DSCAM: variants seen among roughly 807,000 people sequenced by gnomAD.
DSCAM encodes cell adhesion molecule DSCAM.
Under a neutral mutation model 217.7 loss-of-function variants are expected in DSCAM, and 47 were observed. The observed-to-expected ratio is 0.22, with a 90% CI of 0.17 to 0.28. The LOEUF (loss-of-function observed/expected upper bound fraction) is 0.28. DSCAM is among the 10% of genes least tolerant of loss of function. DSCAM has a pLI of 1.00. For missense variants in DSCAM, 2,080 were observed against 2,618.3 expected (o/e 0.79, Z 4.49); for synonymous variants, 1,056 against 1,015.3 (o/e 1.04, Z -0.76).
At chr21:40,675,769 T>C (rs2090330776) in intron 3 of DSCAM, among the ~76,000 whole-genome samples, 1 of 152,240 alleles carries the variant, frequency 6.6e-6, no homozygotes, top group African/African-American at 2.4e-5. Flanking sequence ...GTTCTGATCC[T>C]TGTCACCTTG....
chr21:40,283,174 A>G (rs1161839324), intron 10 of DSCAM, among the ~76,000 whole-genome samples: 2 of 152,240 alleles, frequency 1.3e-5, no homozygotes, highest in Middle Eastern at 3.2e-3. Context: ...CATCTACTTT[A>G]GATTCATCTT....
At chr21:40,197,915 C>T (rs1483827029) in intron 11 of DSCAM, among the ~76,000 whole-genome samples, 2 of 152,320 alleles carry the variant, frequency 1.3e-5, no homozygotes, top group Admixed American at 6.5e-5. Flanking sequence ...AGTGCAAAGC[C>T]TCTTTCCCTT....
intron 20 of DSCAM, among the ~76,000 whole-genome samples, chr21:40,106,432 CT>C (rs964162972): frequency 6.6e-6 from 1 of 152,038 alleles, no homozygotes; most frequent in Non-Finnish European, 1.5e-5. Flanking sequence ...CTGAAGTTTT[CT>C]TTTTTGTCAT....
intron 3 of DSCAM, among the ~76,000 whole-genome samples, chr21:40,595,502 C>A (rs2077014859): frequency 6.6e-6 from 1 of 151,832 alleles, no homozygotes; most frequent in African/African-American, 2.4e-5. Context: ...AGAGCCATCT[C>A]TATTCGAAGG....
intron 19 of DSCAM, among the ~76,000 whole-genome samples, chr21:40,127,286 G>A (rs1427273390): frequency 6.6e-6 from 1 of 152,160 alleles, no homozygotes; most frequent in East Asian, 1.9e-4. Flanking sequence ...ACTCAGTGGT[G>A]AATGACAAAC....
intron 3 of DSCAM, among the ~76,000 whole-genome samples, chr21:40,581,949 A>G (rs2076909231): frequency 6.6e-6 from 1 of 152,238 alleles, no homozygotes; most frequent in South Asian, 2.1e-4. Flanking sequence ...CATAAAATGT[A>G]ATTTATTTGA....
rs532523042 is a variant in DSCAM at position 40,490,160 on chromosome 21, T to C, written c.509-120915A>G. Among the ~76,000 whole-genome samples, 4 of 152,228 alleles carry C rather than the reference T, an allele frequency of 2.6e-5. No individual in the cohort carries two copies. The South Asian group carries it at 8.3e-4, about 32-fold the overall frequency. Reference sequence around the variant, plus strand: ...ATTTCCTGAGACTTATTCATTATCATGAGAACAGCCCAGGAAAGACCCACC... The same window carrying C: ...ATTTCCTGAGACTTATTCATTATCACGAGAACAGCCCAGGAAAGACCCACC... On this transcript the variant is annotated intron_variant, in intron 3 of 32. Transcript: ENST00000400454.
intron 27 of DSCAM, among the ~76,000 whole-genome samples, chr21:40,074,285 G>A (rs980971225): frequency 4.6e-5 from 7 of 152,148 alleles, no homozygotes; most frequent in Non-Finnish European, 1.0e-4. Context: ...TGTAATACAC[G>A]TTACCGAAAA....
chr21:40,323,110 C>A (rs988133854), intron 8 of DSCAM, among the ~76,000 whole-genome samples: 4 of 152,150 alleles, frequency 2.6e-5, no homozygotes, highest in African/African-American at 9.7e-5. Context: ...CTCAGGACAA[C>A]CCTGAAGGAC....
At chr21:40,445,922 T>C (rs1016700024) in intron 3 of DSCAM, among the ~76,000 whole-genome samples, 1 of 152,216 alleles carries the variant, frequency 6.6e-6, no homozygotes, top group Admixed American at 6.5e-5. Flanking sequence ...GGATCTTCAA[T>C]TAGTCTAGGA....
At chr21:40,070,727 G>A (rs972281956) in intron 27 of DSCAM, among the ~76,000 whole-genome samples, 1 of 152,110 alleles carries the variant, frequency 6.6e-6, no homozygotes, top group African/African-American at 2.4e-5. Context: ...TCCAAATGAG[G>A]GGAGCTTTGG....
chr21:40,044,568 T>G (rs2146482328), intron 30 of DSCAM, among the ~76,000 whole-genome samples: 1 of 152,268 alleles, frequency 6.6e-6, no homozygotes, highest in South Asian at 2.1e-4. Flanking sequence ...ATGACCCTTC[T>G]AACATTAAAA....
chr21:40,786,283 A>AGG (rs1569035928), intron 1 of DSCAM, among the ~76,000 whole-genome samples: 41 of 151,850 alleles, frequency 2.7e-4, no homozygotes, highest in Admixed American at 1.4e-3. Context: ...AGAAAGAAAA[A>AGG]AAGGAAGGAA....
At chr21:40,029,075 A>G (rs2088464335) in intron 32 of DSCAM, among the ~76,000 whole-genome samples, 2 of 152,148 alleles carry the variant, frequency 1.3e-5, no homozygotes, top group Non-Finnish European at 2.9e-5. Context: ...TACAAACAGA[A>G]AACAAAATTC....
intron 1 of DSCAM, among the ~76,000 whole-genome samples, chr21:40,819,740 T>C (rs534336931): frequency 1.3e-5 from 2 of 152,312 alleles, no homozygotes; most frequent in South Asian, 4.1e-4. Flanking sequence ...TGTCTAGAGC[T>C]GGGAGATAGG....
chr21:40,776,500 A>G (rs1295991907), intron 1 of DSCAM, among the ~76,000 whole-genome samples: 1 of 152,154 alleles, frequency 6.6e-6, no homozygotes, highest in Non-Finnish European at 1.5e-5. Flanking sequence ...GGGTAAATTG[A>G]TCTATTAGGA....
chr21:40,690,436 A>T (rs1254463266), intron 3 of DSCAM, among the ~76,000 whole-genome samples: 1 of 152,202 alleles, frequency 6.6e-6, no homozygotes, highest in Admixed American at 6.5e-5. Context: ...TTACAAACCA[A>T]CCAAAGCTTC....
rs749498989 is a variant in DSCAM, at chr21:40,692,973, G to C, written c.362-17C>G. 2 of 1,596,714 alleles carry C rather than the reference G, an allele frequency of 1.3e-6. No individual in the cohort carries two copies. The highest frequency in any genetic ancestry group is 2.7e-5 in the African/African-American group (2 of 74,808). On this transcript the variant is annotated splice_polypyrimidine_tract_variant and intron_variant, in intron 2 of 32. Coordinates refer to ENST00000400454, the MANE Select transcript of DSCAM (RefSeq NM_001389.5). ...CCCGTAAAACTGGAAGGCAGAAAGAGGACGTCAGTAAGGCACACGGTCAAC... is the reference window on the plus strand; with the variant it reads ...CCCGTAAAACTGGAAGGCAGAAAGACGACGTCAGTAAGGCACACGGTCAAC...
chr21:40,038,232 C>T (rs1347068317), intron 32 of DSCAM, among the ~76,000 whole-genome samples: 1 of 114,832 alleles, frequency 8.7e-6, no homozygotes, highest in Admixed American at 9.6e-5. Context: ...GAACAGGCAA[C>T]CTACAAAATG....
Sources: allele counts gnomAD v4.1 joint callset (sites outside exome capture counted in the v4.1 genomes callset), GRCh38; gene constraint gnomAD v4.1.1; transcripts MANE v1.5; gene names NCBI Gene and HGNC (gene_info 2026-07-23, HGNC 2026-07-21).